Variants in CLEC5A observed in about 807,000 individuals in gnomAD.
CLEC5A encodes the protein C-type lectin domain family 5 member A.
A neutral mutation model predicts 24.4 loss-of-function variants in CLEC5A; 15 were observed. The observed-to-expected ratio is 0.62, with a 90% CI of 0.41 to 0.95. The LOEUF is 0.95. CLEC5A is among the 40% of genes least tolerant of loss of function. CLEC5A has a pLI of 0.00. For missense variants in CLEC5A, 211 were observed against 224.0 expected, an observed-to-expected ratio of 0.94 and a Z score of 0.37; for synonymous variants, 71 against 72.6, an observed-to-expected ratio of 0.98 and a Z score of 0.11.
At position 141,946,955 on chromosome 7, in the gene CLEC5A, G is replaced by C. The variant is rs1185190788; in HGVS notation, c.-169C>G. 6.6e-6 allele frequency: 1 copy of C among 152,222 alleles called. No homozygotes were observed. The highest frequency in any genetic ancestry group is 1.5e-5 in the Non-Finnish European group (1 of 68,102). 9.4% of individuals were successfully genotyped at this position (152,222 alleles called of 1,614,324 possible). On this transcript the variant is annotated 5_prime_UTR_variant, in exon 1 of 7. Coordinates refer to ENST00000546910, the MANE Select transcript of CLEC5A (RefSeq NM_013252.3). ...TTCCTTCTTCACAGTCTCTGCCTTG[G>C]TAGCATCCCCAAGAAATACCTCTTC...
Position 141,946,316 on chromosome 7 carries a change from T to C in CLEC5A, c.-20-4A>G, listed in dbSNP as rs1802956035. 2 of 1,556,326 alleles carry C rather than the reference T, an allele frequency of 1.3e-6. No individual in the cohort carries two copies. The highest frequency in any genetic ancestry group is 2.4e-5 in the East Asian group (1 of 42,110). ...ATGATGAAGGAGCTGCAGGGGCCTG[T>C]GAAGATTAGAGCACAGCAGCATCAG... On this transcript the variant is annotated splice_polypyrimidine_tract_variant and splice_region_variant and intron_variant, in intron 1 of 6. Coordinates refer to ENST00000546910, the MANE Select transcript of CLEC5A (RefSeq NM_013252.3).
In CLEC5A at chr7:141,929,496, T is replaced by A. The variant is rs1802387617; in HGVS notation, c.*608A>T. The stretch of plus-strand genomic sequence containing the variant: ...GGCTCCCTTGGCTGCCTGGTTTTCT[T>A]CAAAGGGGTCTCCAAGAAGGTTCCT... On this transcript the variant is annotated 3_prime_UTR_variant, in exon 7 of 7. Transcript: ENST00000546910. 1 of 152,276 alleles carries A rather than the reference T, an allele frequency of 6.6e-6. No homozygotes were observed. The highest frequency in any genetic ancestry group is 1.5e-5 in the Non-Finnish European group (1 of 68,142). The allele number at this position is 152,276 out of a possible 1,614,324, so 9.4% of individuals were successfully genotyped here.
At position 141,930,069 on chromosome 7, in the gene CLEC5A, G is replaced by T. The variant is rs1802407865; in HGVS notation, c.*35C>A. 1 of 1,518,226 alleles carries T rather than the reference G, an allele frequency of 6.6e-7. No individual in the cohort carries two copies. Among genetic ancestry groups the T allele is most frequent in the Non-Finnish European group, 9.1e-7 (1 of 1,095,292 alleles). 94.0% of individuals were successfully genotyped at this position (1,518,226 alleles called of 1,614,324 possible). On this transcript the variant is annotated 3_prime_UTR_variant, in exon 7 of 7. Transcript: ENST00000546910. ...GACGACCTGTATGGATTCAAAAAGA[G>T]TTGCAAGTATAGTTCTTGTCACAGG...
chr7:141,937,356 G>A (rs1802661963), intron 4 of CLEC5A, among the ~76,000 whole-genome samples: 1 of 151,924 alleles, frequency 6.6e-6, no homozygotes, highest in Non-Finnish European at 1.5e-5. Context: ...AACAGCCCCT[G>A]TGCCTTAAAC....
At chr7:141,930,468 G>A (rs1554440216) in intron 6 of CLEC5A, among the ~76,000 whole-genome samples, 1 of 152,176 alleles carries the variant, frequency 6.6e-6, no homozygotes, top group East Asian at 1.9e-4. Context: ...CAGCTCTCCT[G>A]TGAGCGTGTA....
intron 4 of CLEC5A, among the ~76,000 whole-genome samples, chr7:141,936,494 G>A (rs1005494077): frequency 6.6e-6 from 1 of 152,190 alleles, no homozygotes; most frequent in African/African-American, 2.4e-5. Flanking sequence ...CCCACCCATG[G>A]AGGAAGCATT....
In CLEC5A at chr7:141,937,341, G is replaced by GACCAAAC. The variant is rs545804680; in HGVS notation, c.209-1398_209-1392dup. 2.5e-3 allele frequency among the ~76,000 whole-genome samples: 380 copies of GACCAAAC among 152,124 alleles called. 2 individuals carry two copies. The highest frequency in any genetic ancestry group is 9.0e-3 in the African/African-American group (372 of 41,488). On this transcript the variant is annotated intron_variant, in intron 4 of 6. Coordinates refer to ENST00000546910, the MANE Select transcript of CLEC5A (RefSeq NM_013252.3). The stretch of plus-strand genomic sequence containing the variant: ...GGCCTGGCAGCATTCGTGACAAGCT[G>GACCAAAC]ACCAAACAGCCCCTGTGCCTTAAAC...
intron 4 of CLEC5A, among the ~76,000 whole-genome samples, chr7:141,940,697 A>G (rs1011954597): frequency 2.4e-4 from 37 of 151,820 alleles, no homozygotes; most frequent in African/African-American, 8.5e-4. Flanking sequence ...AAAAAAAAAA[A>G]AGAGAAAGAG....
chr7:141,945,445 A>T (rs782651612), intron 2 of CLEC5A, 45 bp from the exon 3 acceptor site: 1 of 1,312,284 alleles, frequency 7.6e-7, no homozygotes, highest in African/African-American at 1.5e-5. Context: ...ATGTGACTGC[A>T]TGATGAATAT....
At position 141,935,909 on chromosome 7, in the gene CLEC5A, A is replaced by G. The variant is rs782741834; in HGVS notation, c.250T>C (p.Phe84Leu). 4.3e-6 allele frequency: 7 copies of G among 1,613,190 alleles called. No homozygotes were observed. The highest frequency in any genetic ancestry group is 1.3e-5 in the African/African-American group (1 of 74,918). Reference protein sequence around the residue: ...DWEFYQARCFFLSTSESSWNE... With the variant: ...DWEFYQARCFLLSTSESSWNE... The stretch of plus-strand genomic sequence containing the variant: ...CAAGATGATTCAGAAGTGGATAAGA[A>G]AAAACATCTTGCTTGATAAAATTCC... Residue 84 changes from phenylalanine to leucine, a missense_variant, in exon 5 of 7, where the codon TTC becomes CTC. Transcript: ENST00000546910.
At chr7:141,938,414 C>T (rs926850718) in intron 4 of CLEC5A, among the ~76,000 whole-genome samples, 1 of 151,734 alleles carries the variant, frequency 6.6e-6, no homozygotes, top group African/African-American at 2.4e-5. Flanking sequence ...ATAACAGAAT[C>T]AGAGGGGTCA....
chr7:141,946,265 GC>G lies in CLEC5A; in HGVS notation c.27del (p.Ile11LeufsTer3). On this transcript the variant is annotated frameshift_variant, in exon 2 of 7. Coordinates refer to ENST00000546910, the MANE Select transcript of CLEC5A (RefSeq NM_013252.3). LOFTEE classifies it high-confidence loss of function. Reference protein sequence around the residue: MNWHMIISGLIVVVLKVVG... With the variant: MNWHMIISXLIVVVLKVVG... The stretch of plus-strand genomic sequence containing the variant: ...ACAACTTTAAGCACTACCACAATAA[GC>G]CCAGAGATGATCATGTGCCAGTTCA... 1 of 1,572,366 alleles carries G rather than the reference GC, an allele frequency of 6.4e-7. No homozygotes were observed. Among genetic ancestry groups the G allele is most frequent in the East Asian group, 2.3e-5 (1 of 43,502 alleles).
intron 4 of CLEC5A, chr7:141,936,446 T>C (rs1463431398): frequency 6.2e-6 from 1 of 162,470 alleles, no homozygotes; most frequent in East Asian, 1.9e-4. Flanking sequence ...TGCTGCCCTG[T>C]CACAGTGGAG....
rs2128959977 is a variant in CLEC5A at position 141,930,191 on chromosome 7, G to A, written c.480C>T (p.Asn160=). 6.2e-7 allele frequency: 1 copy of A among 1,614,012 alleles called. No homozygotes were observed. The highest frequency in any genetic ancestry group is 1.7e-4 in the Middle Eastern group (1 of 6,060). Residue 160 remains asparagine, a synonymous_variant, in exon 7 of 7, where the codon AAC becomes AAT. Coordinates refer to ENST00000546910, the MANE Select transcript of CLEC5A (RefSeq NM_013252.3). ...GNVTNQNQNF[N]CATIGLTKTF... is the part of the protein sequence containing the mutation. ...TCTTTGTTAGGCCAATGGTCGCACA[G>A]TTGAAATTCTGATTCTGATTGGTAA...
intron 5 of CLEC5A, among the ~76,000 whole-genome samples, chr7:141,935,284 C>T (rs1554440924): frequency 2.6e-5 from 4 of 151,908 alleles, no homozygotes. Flanking sequence ...TTTTCTGTGC[C>T]CTAGTTGCCA....
chr7:141,930,173 T>C lies in CLEC5A; in HGVS notation c.498A>G (p.Leu166=). 1 of 1,614,188 alleles carries C rather than the reference T, an allele frequency of 6.2e-7. No homozygotes were observed. Among genetic ancestry groups the C allele is most frequent in the Non-Finnish European group, 8.5e-7 (1 of 1,180,030 alleles). ...NQNFNCATIG[L]TKTFDAASCD... is the part of the protein sequence containing the mutation. Reference sequence around the variant, plus strand: ...ATGATGCAGCATCAAATGTCTTTGTTAGGCCAATGGTCGCACAGTTGAAAT... The same window carrying C: ...ATGATGCAGCATCAAATGTCTTTGTCAGGCCAATGGTCGCACAGTTGAAAT... The change falls in exon 7 of 7, where the codon CTA becomes CTG. Residue 166 remains leucine, a synonymous_variant. Transcript: ENST00000546910.
chr7:141,927,382 T>G lies in CLEC5A; in HGVS notation c.*2722A>C, dbSNP rs906191454. 3.9e-5 allele frequency: 6 copies of G among 152,190 alleles called. No individual in the cohort carries two copies. The highest frequency in any genetic ancestry group is 1.3e-4 in the Admixed American group (2 of 15,278). The allele number at this position is 152,190 out of a possible 1,614,324, so 9.4% of individuals were successfully genotyped here. A position where few individuals can be genotyped will look rare whatever the true frequency, so the allele number is the denominator to read the frequency against. ...AAGAGTGACAGAATCTGTTTAATGT[T>G]TTAACAAGATCATCCTGGTTGCTGG... On this transcript the variant is annotated 3_prime_UTR_variant, in exon 7 of 7. Coordinates refer to ENST00000546910, the MANE Select transcript of CLEC5A (RefSeq NM_013252.3).
chr7:141,931,480 T>A, intron 6 of CLEC5A: 1 of 512,374 alleles, frequency 2.0e-6, no homozygotes, highest in East Asian at 3.1e-5. Context: ...TGGATCTTGA[T>A]ATGAATAAAA....
chr7:141,941,667 T>C (rs1802799747), intron 4 of CLEC5A, among the ~76,000 whole-genome samples: 1 of 152,134 alleles, frequency 6.6e-6, no homozygotes. Flanking sequence ...TATGACCTTA[T>C]ATTTGTAAAA....
Sources: allele counts gnomAD v4.1 joint callset (sites outside exome capture counted in the v4.1 genomes callset), GRCh38; gene constraint gnomAD v4.1.1; transcripts MANE v1.5; gene names NCBI Gene and HGNC (gene_info 2026-07-23, HGNC 2026-07-21).